The following HOOK2 variants were observed in gnomAD, a reference collection of about 807,000 sequenced individuals.
The protein encoded by HOOK2 is protein Hook homolog 2.
In HOOK2, 108 loss-of-function variants were observed where a neutral mutation model predicts 111.9. The observed-to-expected ratio is 0.96, with a 90% CI of 0.83 to 1.13. The LOEUF (loss-of-function observed/expected upper bound fraction) is 1.13, where lower values mean the gene tolerates loss of function less well. Among genes scored for constraint, HOOK2 ranks in the 50% most tolerant of loss-of-function variants. The pLI is 0.00. For synonymous variants in HOOK2, 405 were observed against 394.3 expected (o/e 1.03, Z -0.32); for missense variants, 978 against 951.3 (o/e 1.03, Z -0.37).
intron 11 of HOOK2, among the ~76,000 whole-genome samples, chr19:12,768,722 C>T (rs1353771333): frequency 1.3e-5 from 2 of 152,134 alleles, no homozygotes; most frequent in African/African-American, 4.8e-5. Context: ...GATCTCCCAT[C>T]TCAACCTCTC....
chr19:12,785,577 T>TCA (rs762111786), intron 3 of HOOK2, among the ~76,000 whole-genome samples: 33 of 151,866 alleles, frequency 2.2e-4, no homozygotes, highest in Non-Finnish European at 3.1e-4. Context: ...CCTATAGAGC[T>TCA]CACACACACA....
chr19:12,784,711 A>C (rs1599520094), intron 3 of HOOK2: 1 of 148,140 alleles, frequency 6.8e-6, no homozygotes, highest in African/African-American at 2.5e-5. Flanking sequence ...CAGCACCAGC[A>C]CCCCGAGAGC....
At position 12,763,191 on chromosome 19, in the gene HOOK2, G is replaced by C. The variant is rs373570611; in HGVS notation, c.*91C>G. Reference sequence around the variant, plus strand: ...CAGAGATCATGGCCTCAAAGCTCTCGAGCACCTGGCTGAAGCCCAGTGCTG... The same window carrying C: ...CAGAGATCATGGCCTCAAAGCTCTCCAGCACCTGGCTGAAGCCCAGTGCTG... On this transcript the variant is annotated 3_prime_UTR_variant, in exon 23 of 23. Transcript: ENST00000397668. The C allele has an allele frequency of 2.2e-5, 30 of 1,356,760 alleles. No individual in the cohort carries two copies. In the African/African-American group the frequency reaches 2.5e-4, roughly 11 times the overall value. 84.0% of individuals were successfully genotyped at this position (1,356,760 alleles called of 1,614,324 possible).
intron 3 of HOOK2, among the ~76,000 whole-genome samples, chr19:12,789,112 C>T (rs1968681755): frequency 6.6e-6 from 1 of 152,116 alleles, no homozygotes; most frequent in Non-Finnish European, 1.5e-5. Flanking sequence ...CCCTTAGCCT[C>T]TTTCTACCCT....
At position 12,764,291 on chromosome 19, in the gene HOOK2, G is replaced by A. The variant is rs567540643; in HGVS notation, c.1828-513C>T. On this transcript the variant is annotated intron_variant, in intron 20 of 22. Coordinates refer to ENST00000397668, the MANE Select transcript of HOOK2 (RefSeq NM_013312.3). ...AGCCTCCCAAAGTGCTGGGATTAGC[G>A]GCGTGAGCCACTGCGCCTGGCTGTG... 3.8e-3 allele frequency: 607 copies of A among 158,664 alleles called. 5 individuals are homozygous for A. The highest frequency in any genetic ancestry group is 6.5e-3 in the Non-Finnish European group (474 of 72,440). 9.8% of individuals were successfully genotyped at this position (158,664 alleles called of 1,614,324 possible).
rs775460965 is a variant in HOOK2, at chr19:12,763,662, A to G, written c.1938+6T>C. The G allele has an allele frequency of 6.2e-7, 1 of 1,614,002 alleles. No individual in the cohort carries two copies. The highest frequency in any genetic ancestry group is 8.5e-7 in the Non-Finnish European group (1 of 1,179,878). ...GGAGGCAGCGTAAAGGGACGAGGACACCCACCTCCAGGTGTCGGATGCGGA... is the reference window on the plus strand; with the variant it reads ...GGAGGCAGCGTAAAGGGACGAGGACGCCCACCTCCAGGTGTCGGATGCGGA... On this transcript the variant is annotated splice_donor_region_variant and intron_variant, in intron 21 of 22. Coordinates refer to ENST00000397668, the MANE Select transcript of HOOK2 (RefSeq NM_013312.3).
chr19:12,783,286 C>G (rs1025827982), upstream of HOOK2, among the ~76,000 whole-genome samples: 1 of 151,886 alleles, frequency 6.6e-6, no homozygotes, highest in Non-Finnish European at 1.5e-5. Flanking sequence ...GCCAGCGACT[C>G]CCCTTAGCAA....
rs746185306 is a variant in HOOK2 at position 12,784,185 on chromosome 19, G to A, written n.42-9960C>T. Among the ~76,000 whole-genome samples, 117 of 152,300 alleles carry A rather than the reference G, an allele frequency of 7.7e-4. No homozygotes were observed. The Middle Eastern group carries it at 0.01, about 13-fold the overall frequency. ...GGGGCAGGGCAGACATTGACTGGGG[G>A]CAGAGTAAACATGGCCCAGGGTGAC... On this transcript the variant is annotated intron_variant and non_coding_transcript_variant, in intron 3 of 3. Transcript: ENST00000589765.
intron 1 of HOOK2, 47 bp from the exon 2 acceptor site, chr19:12,774,944 G>A: frequency 1.9e-6 from 3 of 1,543,556 alleles, no homozygotes; most frequent in Non-Finnish European, 2.7e-6. Flanking sequence ...GCCTGGGAGC[G>A]CCGAACCGCT....
intron 7 of HOOK2, chr19:12,771,720 A>G: frequency 1.9e-6 from 1 of 513,706 alleles, no homozygotes; most frequent in Non-Finnish European, 3.5e-6. Context: ...CTTCTCTACT[A>G]AAAACACAAA....
upstream of HOOK2, among the ~76,000 whole-genome samples, chr19:12,782,934 G>T (rs2145795764): frequency 6.6e-6 from 1 of 151,286 alleles, no homozygotes; most frequent in East Asian, 2.0e-4. Flanking sequence ...GTAGCCAGGC[G>T]CGTGTTTCCT....
At chr19:12,785,819 C>T (rs1191367657) in intron 3 of HOOK2, among the ~76,000 whole-genome samples, 1 of 152,216 alleles carries the variant, frequency 6.6e-6, no homozygotes, top group Non-Finnish European at 1.5e-5. Flanking sequence ...CCACAGAGAT[C>T]CTGGCACTTC....
chr19:12,776,673 CAAA>C (rs59092661), upstream of HOOK2, among the ~76,000 whole-genome samples: 1 of 95,794 alleles, frequency 1.0e-5, no homozygotes, highest in African/African-American at 4.1e-5. Flanking sequence ...CAAGACTCCT[CAAA>C]AAAAAAAAAA....
chr19:12,791,734 C>A lies in HOOK2; in HGVS notation n.42-17509G>T. 6.7e-7 allele frequency: 1 copy of A among 1,499,394 alleles called. No individual in the cohort carries two copies. Among genetic ancestry groups the A allele is most frequent in the Non-Finnish European group, 9.0e-7 (1 of 1,105,916 alleles). The allele number at this position is 1,499,394 out of a possible 1,614,324, so 92.9% of individuals were successfully genotyped here. Reference sequence around the variant, plus strand: ...TCGCTGCAGCGAGGCCCGGAGCGGCCCCGCAGGGACCCTCCCCAGACCGCC... The same window carrying A: ...TCGCTGCAGCGAGGCCCGGAGCGGCACCGCAGGGACCCTCCCCAGACCGCC... On this transcript the variant is annotated intron_variant and non_coding_transcript_variant, in intron 3 of 3. Coordinates refer to the HOOK2 transcript ENST00000589765. This position sits in a 1 kb window ranked among gnomAD's most constrained non-coding sequence, Gnocchi z 7.0.
chr19:12,764,140 G>A (rs574808819), intron 20 of HOOK2, among the ~76,000 whole-genome samples: 2 of 151,816 alleles, frequency 1.3e-5, no homozygotes, highest in South Asian at 2.1e-4. Flanking sequence ...TCAGCCTCCC[G>A]AGTAGCTGGG....
chr19:12,768,087 T>G lies in HOOK2; in HGVS notation c.1141A>C (p.Met381Leu). ...ELQGQRQEEA[M>L]KAEKWLFECR... ...TCAAATAGCCATTTCTCGGCCTTCATGGCCTCCTCCTGCCGCTGGCCCTGC... is the reference window on the plus strand; with the variant it reads ...TCAAATAGCCATTTCTCGGCCTTCAGGGCCTCCTCCTGCCGCTGGCCCTGC... The change falls in exon 12 of 23, where the codon ATG becomes CTG. Residue 381 changes from methionine to leucine, a missense_variant. Physicochemically the swap from Met to Leu is conservative, Grantham distance 15. This residue lies in a region of HOOK2 where 388 missense variants were observed against 358.3 expected (regional missense o/e 1.08). Coordinates refer to ENST00000397668, the MANE Select transcript of HOOK2 (RefSeq NM_013312.3). The G allele has an allele frequency of 6.2e-7, 1 of 1,614,224 alleles. No homozygotes were observed. Among genetic ancestry groups the G allele is most frequent in the Non-Finnish European group, 8.5e-7 (1 of 1,180,038 alleles).
rs887506362 is a variant in HOOK2, at chr19:12,767,662, G to A, written c.1303+154C>T. ...CCTTTGCTCCACCCTGAGACCCTGAGCCTCTCTCTTCAATTTGACCGTGTC... is the reference window on the plus strand; with the variant it reads ...CCTTTGCTCCACCCTGAGACCCTGAACCTCTCTCTTCAATTTGACCGTGTC... On this transcript the variant is annotated intron_variant, in intron 13 of 22. Coordinates refer to ENST00000397668, the MANE Select transcript of HOOK2 (RefSeq NM_013312.3). 1.2e-4 allele frequency among the ~76,000 whole-genome samples: 19 copies of A among 152,174 alleles called. 1 individual carries two copies. Among genetic ancestry groups the A allele is most frequent in the Admixed American group, 1.0e-3 (16 of 15,272 alleles).
intron 3 of HOOK2, chr19:12,792,156 A>G (rs761390844): frequency 6.3e-7 from 1 of 1,594,984 alleles, no homozygotes; most frequent in South Asian, 1.1e-5. Context: ...GGGCGGCGTC[A>G]CCGAGGAGCA....
chr19:12,774,973 C>T (rs1968452326), intron 1 of HOOK2, 76 bp from the exon 2 acceptor site: 2 of 1,398,282 alleles, frequency 1.4e-6, no homozygotes, highest in African/African-American at 1.4e-5. Flanking sequence ...GCAGACTTTT[C>T]CAGTCAGCGA....
Sources: gnomAD v4.1 joint callset for allele counts (sites outside exome capture counted in the v4.1 genomes callset) on GRCh38, gnomAD v4.1.1 for gene constraint, gnomAD v4.1.1 regional missense constraint, Gnocchi (gnomAD v3.1) non-coding constraint, MANE v1.5 for transcripts, NCBI Gene and HGNC (gene_info 2026-07-23, HGNC 2026-07-21) for gene names.